SGCZ: variants seen among roughly 807,000 people sequenced by gnomAD.
SGCZ encodes the protein sarcoglycan zeta, also known as zeta-sarcoglycan.
A neutral mutation model predicts 41.3 loss-of-function variants in SGCZ; 40 were observed. That is an observed-to-expected ratio of 0.97 (90% CI 0.75 to 1.26). The LOEUF (loss-of-function observed/expected upper bound fraction) is 1.26, where lower values mean the gene tolerates loss of function less well. Ranked by LOEUF, SGCZ falls within the 50% of genes most tolerant of loss-of-function variation. The pLI is 0.00. For missense variants in SGCZ, 552 were observed against 369.8 expected, an observed-to-expected ratio of 1.49 and a Z score of -4.04; for synonymous variants, 206 against 137.5, an observed-to-expected ratio of 1.50 and a Z score of -3.49.
chr8:14,149,678 C>T (rs150560513), intron 5 of SGCZ, among the ~76,000 whole-genome samples: 161 of 150,964 alleles, frequency 1.1e-3, no homozygotes, highest in Non-Finnish European at 1.7e-3. Context: ...AAACACAATC[C>T]TAAACTTTAT....
chr8:14,193,971 T>C (rs1805187019), intron 4 of SGCZ, among the ~76,000 whole-genome samples: 1 of 151,816 alleles, frequency 6.6e-6, no homozygotes, highest in Non-Finnish European at 1.5e-5. Flanking sequence ...GATAGCTACA[T>C]AACATAACTA....
chr8:14,554,815 A>G lies in SGCZ; in HGVS notation c.151T>C (p.Phe51Leu). 2 of 1,613,322 alleles carry G rather than the reference A, an allele frequency of 1.2e-6. No individual in the cohort carries two copies. Among genetic ancestry groups the G allele is most frequent in the Non-Finnish European group, 1.7e-6 (2 of 1,179,534 alleles). The change falls in exon 2 of 8, where the codon TTC (phenylalanine) becomes CTC (leucine). Residue 51 changes from phenylalanine (F) to leucine (L), a missense_variant. By Grantham distance (22) the Phe-to-Leu change is conservative. Coordinates refer to ENST00000382080, the MANE Select transcript of SGCZ (RefSeq NM_139167.4). ...IYGWRKRCLY[F>L]FVLLLLVTMI... is the part of the protein sequence containing the mutation. ...GTAACCAACAGCAGAAGGACAAAGA[A>G]GTATAAGCACCTCTTTCGCCATCCA...
At chr8:15,056,617 T>C (rs1038202952) in intron 1 of SGCZ, among the ~76,000 whole-genome samples, 1 of 152,118 alleles carries the variant, frequency 6.6e-6, no homozygotes, top group African/African-American at 2.4e-5. Context: ...TCTTTGTAAC[T>C]GTATTTTAAT....
At chr8:14,372,269 T>A (rs1478347666) in intron 2 of SGCZ, among the ~76,000 whole-genome samples, 1 of 152,190 alleles carries the variant, frequency 6.6e-6, no homozygotes, top group Non-Finnish European at 1.5e-5. Flanking sequence ...AACGACCTTG[T>A]GCTATAGGTT....
chr8:14,447,901 C>A (rs908347740), intron 2 of SGCZ, among the ~76,000 whole-genome samples: 2 of 152,102 alleles, frequency 1.3e-5, no homozygotes, highest in African/African-American at 4.8e-5. Context: ...AAATGCAAAT[C>A]ACCTCATATG....
At chr8:15,037,110 T>C (rs995121759) in intron 1 of SGCZ, among the ~76,000 whole-genome samples, 1 of 152,276 alleles carries the variant, frequency 6.6e-6, no homozygotes, top group Non-Finnish European at 1.5e-5. Context: ...ATAAAGGCTA[T>C]ATATGATGAT....
At chr8:14,290,325 A>G (rs1463058233) in intron 3 of SGCZ, among the ~76,000 whole-genome samples, 15 of 63,332 alleles carry the variant, frequency 2.4e-4, no homozygotes, top group Non-Finnish European at 6.3e-4. Flanking sequence ...AACAAAAGAA[A>G]ATATAGACAC....
chr8:14,471,882 G>A (rs1039638678), intron 2 of SGCZ, among the ~76,000 whole-genome samples: 3 of 151,770 alleles, frequency 2.0e-5, no homozygotes, highest in Admixed American at 6.6e-5. Context: ...AATGAATATC[G>A]TATCTATGTC....
chr8:14,256,452 A>G (rs1454215254), intron 3 of SGCZ, among the ~76,000 whole-genome samples: 2 of 152,136 alleles, frequency 1.3e-5, no homozygotes, highest in Non-Finnish European at 2.9e-5. Flanking sequence ...AATATAAAAC[A>G]TTTCAGCTCC....
chr8:15,189,504 C>G (rs1380400384), intron 1 of SGCZ, among the ~76,000 whole-genome samples: 9 of 152,098 alleles, frequency 5.9e-5, no homozygotes, highest in Non-Finnish European at 1.3e-4. Context: ...CATTTCTCAT[C>G]ACGCTCAAGG....
chr8:14,371,827 A>G (rs562877255), intron 2 of SGCZ, among the ~76,000 whole-genome samples: 1 of 152,276 alleles, frequency 6.6e-6, no homozygotes, highest in African/African-American at 2.4e-5. Flanking sequence ...ACATGTATAA[A>G]TAAGATGTAC....
chr8:14,282,560 C>G (rs1194716532), intron 3 of SGCZ, among the ~76,000 whole-genome samples: 3 of 152,212 alleles, frequency 2.0e-5, no homozygotes, highest in Middle Eastern at 3.4e-3. Context: ...TTACCTCGCA[C>G]CTAAAACTGT....
chr8:14,180,555 GA>G (rs148289135), intron 4 of SGCZ, among the ~76,000 whole-genome samples: 5,633 of 149,630 alleles, frequency 0.038, 180 homozygotes, highest in African/African-American at 0.088. Flanking sequence ...TCTCATTGAA[GA>G]AAAAAAAAAT....
chr8:14,345,324 C>T (rs186212999), intron 2 of SGCZ, among the ~76,000 whole-genome samples: 133 of 152,168 alleles, frequency 8.7e-4, no homozygotes, highest in Admixed American at 1.8e-3. Flanking sequence ...ATATACTACC[C>T]GGTGAGAAGG....
Position 14,654,234 on chromosome 8 carries a change from T to TA in SGCZ, c.40-99309dup, listed in dbSNP as rs58416522. On this transcript the variant is annotated intron_variant, in intron 1 of 7. Coordinates refer to ENST00000382080, the MANE Select transcript of SGCZ (RefSeq NM_139167.4). The stretch of plus-strand genomic sequence containing the variant: ...CATATGACAAATTATACAGAGAAAT[T>TA]AAAAAAAAAAAAGGATATCCATTGC... Among the ~76,000 whole-genome samples the TA allele has an allele frequency of 1.9e-3, 279 of 143,892 alleles. 1 individual carries two copies. The highest frequency in any genetic ancestry group is 4.7e-3 in the African/African-American group (183 of 38,900). 94.4% of individuals were successfully genotyped at this position (143,892 alleles called of 152,430 possible).
chr8:14,965,220 T>C (rs1251674584), intron 1 of SGCZ, among the ~76,000 whole-genome samples: 1 of 152,118 alleles, frequency 6.6e-6, no homozygotes, highest in Non-Finnish European at 1.5e-5. Context: ...ATTATGAATC[T>C]AACTTGTTTG....
At chr8:15,134,091 TC>T (rs1808017401) in intron 1 of SGCZ, among the ~76,000 whole-genome samples, 2 of 152,262 alleles carry the variant, frequency 1.3e-5, no homozygotes, top group South Asian at 4.1e-4. Flanking sequence ...GCCACTTAAT[TC>T]TGTATTTTGC....
At chr8:15,009,027 C>A (rs1802725288) in intron 1 of SGCZ, among the ~76,000 whole-genome samples, 1 of 152,094 alleles carries the variant, frequency 6.6e-6, no homozygotes, top group Admixed American at 6.6e-5. Flanking sequence ...CCAAGCTATA[C>A]AATTGTCCCT....
chr8:14,288,100 T>G (rs909610691), intron 3 of SGCZ, among the ~76,000 whole-genome samples: 1 of 152,102 alleles, frequency 6.6e-6, no homozygotes, highest in Non-Finnish European at 1.5e-5. Context: ...TTTTGACCCA[T>G]GAATAAGAAT....
Sources: allele counts gnomAD v4.1 joint callset (sites outside exome capture counted in the v4.1 genomes callset), GRCh38; gene constraint gnomAD v4.1.1; transcripts MANE v1.5; gene names NCBI Gene and HGNC (gene_info 2026-07-23, HGNC 2026-07-21).